RPS6KA2: variants seen among roughly 807,000 people sequenced by gnomAD.
RPS6KA2 encodes ribosomal protein S6 kinase alpha-2.
Under a neutral mutation model 91.8 loss-of-function variants are expected in RPS6KA2, and 42 were observed. The ratio of observed to expected loss-of-function variants is 0.46; its 90% CI spans 0.36 to 0.59. The LOEUF is 0.59. Ranked by LOEUF, RPS6KA2 falls within the 20% of genes least tolerant of loss-of-function variation. The pLI, the probability that RPS6KA2 is intolerant of heterozygous loss-of-function variation, is 0.00. For synonymous variants in RPS6KA2, 414 were observed against 393.6 expected, an observed-to-expected ratio of 1.05 and a Z score of -0.61; for missense variants, 798 against 978.5, an observed-to-expected ratio of 0.82 and a Z score of 2.46.
chr6:166,414,938 G>A (rs908978373), intron 19 of RPS6KA2, among the ~76,000 whole-genome samples: 2 of 152,126 alleles, frequency 1.3e-5, no homozygotes, highest in South Asian at 2.1e-4. Context: ...GGTGGCATGC[G>A]CCTATAATCC....
At chr6:166,806,626 G>A (rs1336117115) in intron 2 of RPS6KA2, among the ~76,000 whole-genome samples, 1 of 152,176 alleles carries the variant, frequency 6.6e-6, no homozygotes, top group Non-Finnish European at 1.5e-5. Context: ...TTCAAGAAAT[G>A]TTAAAGGGAG....
At chr6:166,652,429 T>C (rs1251384627) in intron 2 of RPS6KA2, among the ~76,000 whole-genome samples, 1 of 152,208 alleles carries the variant, frequency 6.6e-6, no homozygotes, top group Non-Finnish European at 1.5e-5. Context: ...ATGTTTCCCA[T>C]GAGGAGTTTG....
In RPS6KA2 at chr6:166,525,466, C is replaced by T. The variant is rs975657331; in HGVS notation, c.298+5766G>A. Among the ~76,000 whole-genome samples the T allele has an allele frequency of 7.2e-5, 11 of 152,194 alleles. No homozygotes were observed. The East Asian group carries it at 1.4e-3, about 19-fold the overall frequency. ...CAGATGACCTCCCTCGGAAGTGACC[C>T]ACCCCCTCTCTAAAGGAAGGAGACG... On this transcript the variant is annotated intron_variant, in intron 3 of 20. Coordinates refer to ENST00000265678, the MANE Select transcript of RPS6KA2 (RefSeq NM_021135.6).
chr6:166,583,803 T>A (rs145979172), intron 1 of RPS6KA2, among the ~76,000 whole-genome samples: 1 of 152,322 alleles, frequency 6.6e-6, no homozygotes, highest in East Asian at 1.9e-4. Flanking sequence ...CAGGAAGAAA[T>A]GTGCAAACTG....
At chr6:166,537,308 C>G (rs1783512693) in intron 2 of RPS6KA2, among the ~76,000 whole-genome samples, 1 of 152,260 alleles carries the variant, frequency 6.6e-6, no homozygotes, top group Admixed American at 6.5e-5. Context: ...TCTCCTCTCT[C>G]TTTTTTCTCT....
rs115618597 is a variant in RPS6KA2 at position 166,861,727 on chromosome 6, T to G, written c.63+381A>C. ...TGGTTTCATCTTTCACTGTAGCAAA[T>G]GGAAGGCTTCTAATTTAAAGCCACT... On this transcript the variant is annotated intron_variant, in intron 1 of 21. Coordinates refer to the RPS6KA2 transcript ENST00000503859. Among the ~76,000 whole-genome samples the G allele has an allele frequency of 7.0e-3, 1,062 of 152,354 alleles. 13 individuals carry two copies. The highest frequency in any genetic ancestry group is 0.024 in the African/African-American group (991 of 41,580).
At chr6:166,456,965 G>A (rs986718224) in intron 12 of RPS6KA2, among the ~76,000 whole-genome samples, 3 of 152,206 alleles carry the variant, frequency 2.0e-5, no homozygotes, top group Admixed American at 6.5e-5. Context: ...CTCAAAAAAA[G>A]CTTCCGGTTC....
At chr6:166,606,338 G>C (rs947433580) in intron 1 of RPS6KA2, among the ~76,000 whole-genome samples, 3 of 152,144 alleles carry the variant, frequency 2.0e-5, no homozygotes, top group Admixed American at 6.5e-5. Context: ...TTCCTTGCTC[G>C]ATTACACAAG....
At position 166,732,730 on chromosome 6, in the gene RPS6KA2, C is replaced by T. The variant is rs6456112; in HGVS notation, c.123+125470G>A. On this transcript the variant is annotated intron_variant, in intron 2 of 21. Coordinates refer to the RPS6KA2 transcript ENST00000503859. The surrounding 1 kb of genome is among the most constrained non-coding windows in gnomAD (Gnocchi z 4.0). ...TTAGGTGCAGAGATGGGGGTGCACCCAGGGCACAGCACAGGGGCCCGGTCA... is the reference window on the plus strand; with the variant it reads ...TTAGGTGCAGAGATGGGGGTGCACCTAGGGCACAGCACAGGGGCCCGGTCA... Among the ~76,000 whole-genome samples, 41,824 of 151,982 alleles carry T rather than the reference C, an allele frequency of 0.28. 8,083 individuals carry two copies. Among genetic ancestry groups the T allele is most frequent in the African/African-American group, 0.55 (22,803 of 41,402 alleles).
intron 2 of RPS6KA2, among the ~76,000 whole-genome samples, chr6:166,817,147 A>G (rs547686927): frequency 6.6e-6 from 1 of 152,290 alleles, no homozygotes; most frequent in East Asian, 1.9e-4. Flanking sequence ...TCTCTAATAC[A>G]AGTCAGAAAT....
chr6:166,856,151 C>T (rs577904066), intron 2 of RPS6KA2, among the ~76,000 whole-genome samples: 1 of 152,262 alleles, frequency 6.6e-6, no homozygotes, highest in East Asian at 1.9e-4. Context: ...ATAACATGTG[C>T]TATGGTCTAA....
chr6:166,554,290 T>G lies in RPS6KA2; in HGVS notation c.100-15506A>C, dbSNP rs1784113263. On this transcript the variant is annotated intron_variant, in intron 1 of 20. Coordinates refer to ENST00000265678, the MANE Select transcript of RPS6KA2 (RefSeq NM_021135.6). This position sits in a 1 kb window ranked among gnomAD's most constrained non-coding sequence, Gnocchi z 4.3. ...TAAGAGATCTGCAAAATTTTGCTCG[T>G]TCGTGAGCATTTTAGCTTCTGTTTC... 6.6e-6 allele frequency among the ~76,000 whole-genome samples: 1 copy of G among 152,262 alleles called. No homozygotes were observed. Among genetic ancestry groups the G allele is most frequent in the African/African-American group, 2.4e-5 (1 of 41,472 alleles).
intron 1 of RPS6KA2, among the ~76,000 whole-genome samples, chr6:166,615,781 C>T (rs977525118): frequency 2.0e-5 from 3 of 152,176 alleles, no homozygotes; most frequent in Non-Finnish European, 2.9e-5. Context: ...GCACACCCCC[C>T]CAGGATGGGC....
intron 1 of RPS6KA2, among the ~76,000 whole-genome samples, chr6:166,590,868 C>T (rs1350468144): frequency 1.3e-5 from 2 of 152,224 alleles, no homozygotes; most frequent in Middle Eastern, 3.4e-3. Context: ...ATCAAAGACA[C>T]GACTTAGAGT....
chr6:166,518,676 A>G (rs923835421), intron 3 of RPS6KA2, among the ~76,000 whole-genome samples: 4 of 152,224 alleles, frequency 2.6e-5, no homozygotes, highest in Admixed American at 6.5e-5. Context: ...TTAGGGTGGC[A>G]GAAAACAGGA....
intron 16 of RPS6KA2, among the ~76,000 whole-genome samples, chr6:166,430,141 GTTA>G (rs1341512000): frequency 2.0e-5 from 3 of 151,224 alleles, no homozygotes; most frequent in Admixed American, 6.6e-5. Flanking sequence ...TTTTGTTGTT[GTTA>G]TTTTTAGTAG....
chr6:166,687,837 T>G (rs9459715), intron 2 of RPS6KA2, among the ~76,000 whole-genome samples: 16,375 of 152,242 alleles, frequency 0.11, 1,106 homozygotes, highest in East Asian at 0.33. Flanking sequence ...TTTACCAGAA[T>G]CAATCTTGGG....
chr6:166,442,431 C>T (rs1232470349), intron 14 of RPS6KA2, among the ~76,000 whole-genome samples: 1 of 152,190 alleles, frequency 6.6e-6, no homozygotes, highest in Non-Finnish European at 1.5e-5. Flanking sequence ...ATGTGTTGAA[C>T]CGTTCTGAGT....
intron 2 of RPS6KA2, chr6:166,701,080 C>T (rs1562390745): frequency 1.9e-6 from 3 of 1,577,510 alleles, no homozygotes; most frequent in Non-Finnish European, 2.6e-6. Flanking sequence ...CCGTGGTGGG[C>T]TGTTTCCTGA....
Sources: allele counts gnomAD v4.1 joint callset (sites outside exome capture counted in the v4.1 genomes callset), GRCh38; gene constraint gnomAD v4.1.1; non-coding constraint Gnocchi (gnomAD v3.1); transcripts MANE v1.5; gene names NCBI Gene and HGNC (gene_info 2026-07-23, HGNC 2026-07-21).